KBTBD3: variants seen among roughly 807,000 people sequenced by gnomAD.
KBTBD3 encodes kelch repeat and BTB domain-containing protein 3.
Under a neutral mutation model 49.6 loss-of-function variants are expected in KBTBD3, and 38 were observed. The observed-to-expected ratio is 0.77, with a 90% CI of 0.59 to 1.00. The LOEUF is 1.00. Ranked by LOEUF, KBTBD3 falls within the 50% of genes least tolerant of loss-of-function variation. KBTBD3 has a pLI of 0.00. For synonymous variants in KBTBD3, 214 were observed against 250.4 expected (o/e 0.85, Z 1.37); for missense variants, 661 against 712.0 (o/e 0.93, Z 0.81).
At chr11:106,072,644 G>A (rs1261101395) in intron 2 of KBTBD3, among the ~76,000 whole-genome samples, 1 of 152,094 alleles carries the variant, frequency 6.6e-6, no homozygotes, top group African/African-American at 2.4e-5. Context: ...TTGATAAAAA[G>A]TAATGACAAA....
Position 106,053,259 on chromosome 11 carries a change from A to T in KBTBD3, c.1430T>A (p.Phe477Tyr). ...DAFNPSLDCF[F>Y]KYNATTDQWS... The stretch of plus-strand genomic sequence containing the variant: ...CTGATCAGTTGTAGCATTGTATTTA[A>T]AAAAGCAATCAAGTGATGGGTTAAA... The change falls in exon 4 of 4, where the codon TTT becomes TAT. Residue 477 changes from phenylalanine to tyrosine, a missense_variant. Transcript: ENST00000531837. 1 of 1,613,712 alleles carries T rather than the reference A, an allele frequency of 6.2e-7. No homozygotes were observed. The highest frequency in any genetic ancestry group is 1.1e-5 in the South Asian group (1 of 91,078).
chr11:106,067,121 A>G (rs1860824171), intron 2 of KBTBD3, among the ~76,000 whole-genome samples: 1 of 152,152 alleles, frequency 6.6e-6, no homozygotes, highest in Non-Finnish European at 1.5e-5. Context: ...TAACAAGACA[A>G]AAGTTTTAAG....
At chr11:106,057,954 C>T (rs1860587986) in intron 3 of KBTBD3, 4 of 397,916 alleles carry the variant, frequency 1.0e-5, no homozygotes, top group Non-Finnish European at 1.8e-5. Context: ...AGGGATCCCC[C>T]AAACAAAGCT....
chr11:106,052,560 A>AC lies in KBTBD3; in HGVS notation c.*289_*290insG, dbSNP rs1279903475. Reference sequence around the variant, plus strand: ...CCCATCTAAACAGTACAAATCTTTTATGGACAGAGTACTTTAAAAATCAAA... The same window carrying AC: ...CCCATCTAAACAGTACAAATCTTTTACTGGACAGAGTACTTTAAAAATCAAA... On this transcript the variant is annotated 3_prime_UTR_variant, in exon 4 of 4. Coordinates refer to ENST00000531837, the MANE Select transcript of KBTBD3 (RefSeq NM_198439.3). 3 of 289,000 alleles carry AC rather than the reference A, an allele frequency of 1.0e-5. No individual in the cohort carries two copies. The highest frequency in any genetic ancestry group is 1.9e-5 in the Non-Finnish European group (3 of 155,314). The allele number at this position is 289,000 out of a possible 1,614,324, so 17.9% of individuals were successfully genotyped here.
At chr11:106,055,427 G>C (rs1395210795) in intron 3 of KBTBD3, among the ~76,000 whole-genome samples, 2 of 152,228 alleles carry the variant, frequency 1.3e-5, no homozygotes, top group East Asian at 3.9e-4. Flanking sequence ...ACTCAAGAAG[G>C]TAATGAAATC....
chr11:106,058,817 C>G (rs1404863768), intron 3 of KBTBD3, 48 bp downstream of exon 3: 1 of 1,083,402 alleles, frequency 9.2e-7, no homozygotes, highest in African/African-American at 1.7e-5. Context: ...TAAAATAGAA[C>G]TTAATTATCC....
At chr11:106,070,734 T>C (rs551639586) in intron 2 of KBTBD3, among the ~76,000 whole-genome samples, 109 of 152,228 alleles carry the variant, frequency 7.2e-4, no homozygotes, top group African/African-American at 2.4e-3. Flanking sequence ...AAATAAAAGC[T>C]TGTGTGTGTG....
At chr11:106,059,224 A>G in intron 2 of KBTBD3, 115 bp from the exon 3 acceptor site, 1 of 582,964 alleles carries the variant, frequency 1.7e-6, no homozygotes, top group South Asian at 2.2e-5. Flanking sequence ...AAATAATAAG[A>G]CAGTAAAACT....
rs563226080 is a variant in KBTBD3, at chr11:106,058,127, G to T, written c.233+738C>A. 75 of 387,852 alleles carry T rather than the reference G, an allele frequency of 1.9e-4. No individual in the cohort carries two copies. The East Asian group carries it at 2.5e-3, about 13-fold the overall frequency. 24.0% of individuals were successfully genotyped at this position (387,852 alleles called of 1,614,324 possible). ...CGGCCCAGCGCAGTGGCTCACACCT[G>T]TAATCCCAGCACTTTGGGAGGCCGA... On this transcript the variant is annotated intron_variant, in intron 3 of 3. Coordinates refer to ENST00000531837, the MANE Select transcript of KBTBD3 (RefSeq NM_198439.3).
chr11:106,062,943 T>A (rs1434482110), intron 2 of KBTBD3, among the ~76,000 whole-genome samples: 1 of 152,256 alleles, frequency 6.6e-6, no homozygotes, highest in Non-Finnish European at 1.5e-5. Context: ...TCTTCATAAG[T>A]CACTTGTAAG....
chr11:106,068,119 C>T (rs1461066764), intron 2 of KBTBD3, among the ~76,000 whole-genome samples: 1 of 149,958 alleles, frequency 6.7e-6, no homozygotes, highest in African/African-American at 2.5e-5. Flanking sequence ...ACTGATAAAA[C>T]TGAAAAAAAA....
intron 2 of KBTBD3, chr11:106,076,248 G>C (rs1355485915): frequency 1.3e-5 from 2 of 152,174 alleles, no homozygotes; most frequent in Non-Finnish European, 2.9e-5. Flanking sequence ...CCCTGCAGCT[G>C]GTAAGCAGAT....
intron 3 of KBTBD3, among the ~76,000 whole-genome samples, chr11:106,055,514 G>A (rs931424192): frequency 1.3e-5 from 2 of 152,160 alleles, no homozygotes; most frequent in African/African-American, 2.4e-5. Context: ...GGGATTTTTA[G>A]TAATGTATAT....
chr11:106,068,805 T>C (rs191805349), intron 2 of KBTBD3, among the ~76,000 whole-genome samples: 2 of 152,206 alleles, frequency 1.3e-5, no homozygotes, highest in East Asian at 3.9e-4. Flanking sequence ...CAAAAATTGT[T>C]TAAAAAATAT....
intron 2 of KBTBD3, among the ~76,000 whole-genome samples, chr11:106,060,079 A>G (rs1413180487): frequency 6.6e-6 from 1 of 152,228 alleles, no homozygotes; most frequent in South Asian, 2.1e-4. Context: ...CATGTCCAGT[A>G]TGGTTTCCTC....
At chr11:106,064,438 G>A (rs1004494850) in intron 2 of KBTBD3, among the ~76,000 whole-genome samples, 12 of 151,774 alleles carry the variant, frequency 7.9e-5, no homozygotes, top group African/African-American at 2.4e-4. Context: ...CCAGCTACTC[G>A]AGAGGCTCAC....
At chr11:106,061,239 A>G (rs1405723128) in intron 2 of KBTBD3, among the ~76,000 whole-genome samples, 1 of 152,228 alleles carries the variant, frequency 6.6e-6, no homozygotes, top group African/African-American at 2.4e-5. Flanking sequence ...CTGGAGAAGT[A>G]GTCCAAATTG....
At chr11:106,060,858 C>G (rs1271446905) in intron 2 of KBTBD3, among the ~76,000 whole-genome samples, 1 of 152,088 alleles carries the variant, frequency 6.6e-6, no homozygotes, top group Non-Finnish European at 1.5e-5. Context: ...AACAGGCAAC[C>G]TACAGAATGG....
intron 2 of KBTBD3, among the ~76,000 whole-genome samples, chr11:106,074,035 T>C (rs138146999): frequency 1.3e-5 from 2 of 152,138 alleles, no homozygotes; most frequent in African/African-American, 4.8e-5. Flanking sequence ...GCAGGTACTA[T>C]TCTAGATACT....
Sources: gnomAD v4.1 joint callset for allele counts (sites outside exome capture counted in the v4.1 genomes callset) on GRCh38, gnomAD v4.1.1 for gene constraint, MANE v1.5 for transcripts, NCBI Gene and HGNC (gene_info 2026-07-23, HGNC 2026-07-21) for gene names.